Variants in SUGCT observed in about 807,000 individuals in gnomAD.
SUGCT encodes the protein succinyl-CoA:glutarate CoA-transferase.
SUGCT carries 41 observed loss-of-function variants against 55.0 expected under a neutral mutation model. The ratio of observed to expected loss-of-function variants is 0.74; its 90% CI spans 0.58 to 0.97. The LOEUF (loss-of-function observed/expected upper bound fraction) is 0.97. Among genes scored for constraint, SUGCT ranks in the 50% least tolerant of loss-of-function variants. The pLI is 0.00. For synonymous variants in SUGCT, 187 were observed against 200.4 expected (o/e 0.93, Z 0.56); for missense variants, 568 against 547.8 (o/e 1.04, Z -0.37).
intron 12 of SUGCT, among the ~76,000 whole-genome samples, chr7:40,583,879 C>G (rs920267168): frequency 6.6e-6 from 1 of 152,166 alleles, no homozygotes; most frequent in Non-Finnish European, 1.5e-5. Flanking sequence ...GATGGTTAGT[C>G]TCTCGATACA....
At chr7:40,544,913 A>T (rs1399878454) in intron 12 of SUGCT, among the ~76,000 whole-genome samples, 1 of 152,210 alleles carries the variant, frequency 6.6e-6, no homozygotes, top group Non-Finnish European at 1.5e-5. Flanking sequence ...TACAAAAACT[A>T]GTAAATATGG....
chr7:40,987,070 A>T, the SUGCT span, among the ~76,000 whole-genome samples: 3 of 152,192 alleles, frequency 2.0e-5, no homozygotes, highest in African/African-American at 7.2e-5. Context: ...TCCCATAATG[A>T]TGGTGTCTGG....
At chr7:40,495,353 T>C (rs1791913338) in intron 11 of SUGCT, among the ~76,000 whole-genome samples, 1 of 152,166 alleles carries the variant, frequency 6.6e-6, no homozygotes, top group African/African-American at 2.4e-5. Flanking sequence ...ACTCTACTAT[T>C]GTTTCACTAG....
intron 13 of SUGCT, among the ~76,000 whole-genome samples, chr7:40,837,249 T>A (rs1335158145): frequency 6.6e-6 from 1 of 152,196 alleles, no homozygotes; most frequent in Non-Finnish European, 1.5e-5. Context: ...AAATGTCTGT[T>A]CATGTTTTTT....
chr7:40,526,787 G>A (rs1022142992), intron 12 of SUGCT, among the ~76,000 whole-genome samples: 7 of 152,254 alleles, frequency 4.6e-5, no homozygotes, highest in African/African-American at 1.2e-4. Context: ...TACTTTCTTC[G>A]AATTTTTCCA....
intron 12 of SUGCT, among the ~76,000 whole-genome samples, chr7:40,702,866 C>T (rs554613745): frequency 6.6e-6 from 1 of 152,248 alleles, no homozygotes; most frequent in East Asian, 1.9e-4. Context: ...CTTTTATAGC[C>T]CAAAACTACG....
intron 7 of SUGCT, among the ~76,000 whole-genome samples, chr7:40,259,502 T>C (rs1791073536): frequency 6.6e-6 from 1 of 152,238 alleles, no homozygotes; most frequent in Non-Finnish European, 1.5e-5. Context: ...AATGCATTTG[T>C]TAATTAGCTT....
the SUGCT span, among the ~76,000 whole-genome samples, chr7:41,036,622 T>A: frequency 6.6e-6 from 1 of 152,198 alleles, no homozygotes; most frequent in Non-Finnish European, 1.5e-5. Flanking sequence ...TCTACTGGGA[T>A]GGTGCAAAAG....
intron 12 of SUGCT, among the ~76,000 whole-genome samples, chr7:40,577,116 A>G (rs1188418673): frequency 6.6e-6 from 1 of 152,230 alleles, no homozygotes; most frequent in Non-Finnish European, 1.5e-5. Context: ...TTTGAGAACC[A>G]TTACTAGAGC....
intron 13 of SUGCT, among the ~76,000 whole-genome samples, chr7:40,821,355 G>C (rs888306682): frequency 1.3e-5 from 2 of 152,216 alleles, no homozygotes; most frequent in Admixed American, 1.3e-4. Context: ...GCTCCTCCTC[G>C]TACCTCTGGT....
At chr7:40,754,438 C>T (rs1319004617) in intron 13 of SUGCT, among the ~76,000 whole-genome samples, 1 of 152,204 alleles carries the variant, frequency 6.6e-6, no homozygotes, top group Non-Finnish European at 1.5e-5. Flanking sequence ...CATTCCCTCC[C>T]CTGCCCCCGA....
intron 8 of SUGCT, among the ~76,000 whole-genome samples, chr7:40,277,141 A>G (rs895812415): frequency 6.6e-6 from 1 of 152,140 alleles, no homozygotes; most frequent in Admixed American, 6.6e-5. Context: ...GATTTGGCCT[A>G]TTGTACTACA....
intron 12 of SUGCT, among the ~76,000 whole-genome samples, chr7:40,521,594 C>T (rs185715063): frequency 3.3e-5 from 5 of 152,196 alleles, no homozygotes; most frequent in East Asian, 1.9e-4. Context: ...GCCTCATGAA[C>T]GGTTGCATAA....
chr7:40,250,082 C>T (rs954742886), intron 7 of SUGCT, among the ~76,000 whole-genome samples: 2 of 152,190 alleles, frequency 1.3e-5, no homozygotes, highest in Middle Eastern at 3.4e-3. Context: ...CCACTGCGCC[C>T]GGCTTAATTG....
intron 9 of SUGCT, among the ~76,000 whole-genome samples, chr7:40,423,336 A>C (rs1331719818): frequency 6.6e-6 from 1 of 152,162 alleles, no homozygotes. Flanking sequence ...ATATTCACTA[A>C]GAAAGTACAT....
At chr7:40,186,116 T>C (rs577279996) in intron 3 of SUGCT, among the ~76,000 whole-genome samples, 50 of 150,938 alleles carry the variant, frequency 3.3e-4, no homozygotes, top group South Asian at 8.4e-4. Flanking sequence ...CCTTCCTTCC[T>C]TCCTTTCTTT....
intron 9 of SUGCT, among the ~76,000 whole-genome samples, chr7:40,404,504 C>A (rs1786253951): frequency 6.6e-6 from 1 of 151,640 alleles, no homozygotes; most frequent in Non-Finnish European, 1.5e-5. Flanking sequence ...GTGGCACGAT[C>A]TCGGCTAACT....
chr7:40,456,462 G>A lies in SUGCT; in HGVS notation c.889-2639G>A, dbSNP rs189242840. On this transcript the variant is annotated intron_variant, in intron 10 of 13. Coordinates refer to ENST00000335693, the MANE Select transcript of SUGCT (RefSeq NM_001193313.2). ...TTGAAGAATGTGTTGTCAGCATTTG[G>A]GCTATACCAGTGAACAAAACATTTA... Among the ~76,000 whole-genome samples, 607 of 152,234 alleles carry A rather than the reference G, an allele frequency of 4.0e-3. 1 individual carries two copies. The highest frequency in any genetic ancestry group is 6.0e-3 in the Admixed American group (91 of 15,288).
chr7:40,336,142 C>T (rs1031702030), intron 9 of SUGCT, among the ~76,000 whole-genome samples: 17 of 152,134 alleles, frequency 1.1e-4, no homozygotes, highest in African/African-American at 2.9e-4. Flanking sequence ...CTGCTGGATT[C>T]GGTTTGCCAG....
Sources: allele counts gnomAD v4.1 joint callset (sites outside exome capture counted in the v4.1 genomes callset), GRCh38; gene constraint gnomAD v4.1.1; transcripts MANE v1.5; gene names NCBI Gene and HGNC (gene_info 2026-07-23, HGNC 2026-07-21).